Variants in NBEA observed in about 807,000 individuals in gnomAD.
NBEA encodes the protein neurobeachin, also known as lysosomal-trafficking regulator 2.
A neutral mutation model predicts 343.4 loss-of-function variants in NBEA; 44 were observed. The ratio of observed to expected loss-of-function variants is 0.13; its 90% confidence interval spans 0.10 to 0.16. NBEA has a LOEUF of 0.16. Among genes scored for constraint, NBEA ranks in the 10% least tolerant of loss-of-function variants. NBEA has a pLI of 1.00. For missense variants in NBEA, 2,555 were observed against 3,631.3 expected (o/e 0.70, Z 7.62); for synonymous variants, 1,175 against 1,238.7 (o/e 0.95, Z 1.08).
intron 1 of NBEA, among the ~76,000 whole-genome samples, chr13:34,966,208 G>T (rs929554822): frequency 6.6e-6 from 1 of 152,038 alleles, no homozygotes; most frequent in Non-Finnish European, 1.5e-5. Context: ...TTTTATAAGA[G>T]AGTGGCATGA....
At chr13:35,172,826 G>A (rs936829728) in intron 26 of NBEA, among the ~76,000 whole-genome samples, 1 of 152,010 alleles carries the variant, frequency 6.6e-6, no homozygotes, top group African/African-American at 2.4e-5. Context: ...GAAAATACAG[G>A]ATTCAAACTC....
At chr13:35,590,086 C>T (rs1428414320) in intron 46 of NBEA, among the ~76,000 whole-genome samples, 1 of 152,024 alleles carries the variant, frequency 6.6e-6, no homozygotes, top group Non-Finnish European at 1.5e-5. Context: ...GCCCAATTGA[C>T]AGGTAGTAGG....
chr13:34,957,534 A>C (rs2059536471), intron 1 of NBEA, among the ~76,000 whole-genome samples: 1 of 152,166 alleles, frequency 6.6e-6, no homozygotes, highest in Non-Finnish European at 1.5e-5. Context: ...ATCTAAAGCA[A>C]AATACCTGTA....
At chr13:35,165,956 A>T (rs1027012715) in intron 24 of NBEA, among the ~76,000 whole-genome samples, 1 of 152,090 alleles carries the variant, frequency 6.6e-6, no homozygotes, top group African/African-American at 2.4e-5. Context: ...AAGTGCAGGG[A>T]TTACAGGCAT....
At chr13:35,628,013 AAAAAT>A (rs2083300671) in intron 48 of NBEA, 63 bp from the exon 49 acceptor site, 10 of 1,230,972 alleles carry the variant, frequency 8.1e-6, no homozygotes, top group Non-Finnish European at 1.1e-5. Flanking sequence ...AAAGTAAAAA[AAAAAT>A]AAAAGGATAT....
At chr13:34,985,036 C>G (rs1593364764) in intron 1 of NBEA, among the ~76,000 whole-genome samples, 1 of 151,038 alleles carries the variant, frequency 6.6e-6, no homozygotes, top group African/African-American at 2.4e-5. Context: ...TTATTTCTTT[C>G]TCTTGCCTGA....
intron 1 of NBEA, among the ~76,000 whole-genome samples, chr13:35,025,898 G>A (rs2062004732): frequency 6.6e-6 from 1 of 151,934 alleles, no homozygotes; most frequent in African/African-American, 2.4e-5. Flanking sequence ...ATGCTGAGTT[G>A]TTTGGAAAAA....
chr13:35,068,188 A>T (rs2152572831), intron 8 of NBEA, among the ~76,000 whole-genome samples: 1 of 152,288 alleles, frequency 6.6e-6, no homozygotes, highest in Non-Finnish European at 1.5e-5. Context: ...TTTATTACAT[A>T]AACTTGTTTT....
intron 1 of NBEA, among the ~76,000 whole-genome samples, chr13:35,026,862 A>G (rs1222730326): frequency 6.6e-6 from 1 of 152,120 alleles, no homozygotes; most frequent in Non-Finnish European, 1.5e-5. Context: ...GCCAAGATAG[A>G]GAAGTATTCT....
At chr13:35,539,074 T>C (rs2078687401) in intron 41 of NBEA, among the ~76,000 whole-genome samples, 1 of 152,204 alleles carries the variant, frequency 6.6e-6, no homozygotes, top group Non-Finnish European at 1.5e-5. Context: ...AGAAAAGTAT[T>C]CATAATTCAT....
chr13:35,264,787 T>A (rs117031442), intron 34 of NBEA, among the ~76,000 whole-genome samples: 4,717 of 151,960 alleles, frequency 0.031, 102 homozygotes, highest in Non-Finnish European at 0.045. Flanking sequence ...TAGCATCATA[T>A]TCAGTGGAGA....
At chr13:35,020,781 AG>A in intron 1 of NBEA, among the ~76,000 whole-genome samples, 2 of 152,212 alleles carry the variant, frequency 1.3e-5, no homozygotes, top group Non-Finnish European at 2.9e-5. Flanking sequence ...AGCCTCCCAA[AG>A]TGCTATGATT....
At chr13:35,264,911 T>G (rs1033304472) in intron 34 of NBEA, among the ~76,000 whole-genome samples, 12 of 151,390 alleles carry the variant, frequency 7.9e-5, no homozygotes, top group Non-Finnish European at 1.5e-4. Flanking sequence ...GAGAAAGAAA[T>G]AAAATGCATC....
intron 49 of NBEA, among the ~76,000 whole-genome samples, chr13:35,642,656 G>C (rs1231079099): frequency 6.6e-6 from 1 of 152,206 alleles, no homozygotes. Context: ...CATGTGAGTG[G>C]TGGGCGTTAC....
At chr13:35,099,084 G>A (rs1454405368) in intron 11 of NBEA, among the ~76,000 whole-genome samples, 1 of 146,728 alleles carries the variant, frequency 6.8e-6, no homozygotes, top group East Asian at 2.0e-4. Context: ...GGAGTGCAGT[G>A]GCATGATCTT....
chr13:35,511,474 G>A (rs898726766), intron 41 of NBEA, among the ~76,000 whole-genome samples: 3 of 151,958 alleles, frequency 2.0e-5, no homozygotes, highest in African/African-American at 7.2e-5. Context: ...CAGATTTTTC[G>A]AGCAAGGAAC....
At chr13:35,585,622 T>C (rs2081260905) in intron 46 of NBEA, among the ~76,000 whole-genome samples, 1 of 151,978 alleles carries the variant, frequency 6.6e-6, no homozygotes, top group Non-Finnish European at 1.5e-5. Context: ...TTGCAAACAT[T>C]TCTCATGGGT....
intron 1 of NBEA, among the ~76,000 whole-genome samples, chr13:34,970,247 G>GT (rs1232875041): frequency 1.3e-5 from 2 of 151,640 alleles, no homozygotes; most frequent in African/African-American, 2.4e-5. Flanking sequence ...GGCATTGTTT[G>GT]TTTTTTTTCC....
chr13:35,494,013 T>C (rs1353639329), intron 41 of NBEA, among the ~76,000 whole-genome samples: 2 of 151,946 alleles, frequency 1.3e-5, no homozygotes, highest in Non-Finnish European at 2.9e-5. Flanking sequence ...AATTTCAAAT[T>C]TAAATCTTTA....
Sources: allele counts gnomAD v4.1 joint callset (sites outside exome capture counted in the v4.1 genomes callset), GRCh38; gene constraint gnomAD v4.1.1; transcripts MANE v1.5; gene names NCBI Gene and HGNC (gene_info 2026-07-23, HGNC 2026-07-21).